Variants in ELAVL1 observed in about 807,000 individuals in gnomAD.
ELAVL1 encodes ELAV like RNA binding protein 1.
Under a neutral mutation model 28.4 loss-of-function variants are expected in ELAVL1, and 1 was observed. That is an observed-to-expected ratio of 0.04 (90% CI 0.01 to 0.17). The LOEUF (loss-of-function observed/expected upper bound fraction) is 0.17, where lower values mean the gene tolerates loss of function less well. Ranked by LOEUF, ELAVL1 falls within the 10% of genes least tolerant of loss-of-function variation. The pLI, the probability that ELAVL1 is intolerant of heterozygous loss-of-function variation, is 1.00. For missense variants in ELAVL1, 157 were observed against 447.2 expected (o/e 0.35, Z 5.85); for synonymous variants, 174 against 183.5 (o/e 0.95, Z 0.42).
At chr19:7,998,102 C>T (rs947773129) in intron 1 of ELAVL1, among the ~76,000 whole-genome samples, 2 of 152,198 alleles carry the variant, frequency 1.3e-5, no homozygotes, top group Admixed American at 6.5e-5. Context: ...ACGGGAGAAA[C>T]CAACAACCTG....
At chr19:7,964,844 A>G (rs1984911598) in intron 5 of ELAVL1, among the ~76,000 whole-genome samples, 1 of 152,218 alleles carries the variant, frequency 6.6e-6, no homozygotes, top group Non-Finnish European at 1.5e-5. Flanking sequence ...TCTGAGGGTC[A>G]GTTTGGGAAT....
rs564107702 is a variant in ELAVL1, at chr19:7,997,617, C to T, written c.-16-5786G>A. On this transcript the variant is annotated intron_variant, in intron 1 of 5. Transcript: ENST00000407627. ...TTGTCAAAACTCAGAGAACTCTACT[C>T]GAAAAAATGAATTTTCCTACATGCA... is the stretch of plus-strand genomic sequence containing the variant. 3.3e-5 allele frequency among the ~76,000 whole-genome samples: 5 copies of T among 152,028 alleles called. No individual in the cohort carries two copies. In the East Asian group the frequency reaches 9.7e-4, roughly 29 times the overall value.
rs1248646378 is a variant in ELAVL1, at chr19:7,995,777, C to T, written c.-16-3946G>A. Among the ~76,000 whole-genome samples the T allele has an allele frequency of 3.6e-5, 5 of 139,960 alleles. 1 individual carries two copies. The Middle Eastern group carries it at 0.014, about 397-fold the overall frequency. 91.8% of individuals were successfully genotyped at this position (139,960 alleles called of 152,430 possible). On this transcript the variant is annotated intron_variant, in intron 1 of 5. Transcript: ENST00000407627. ...TCTCAGACACAACACCAAAAGCCCA[C>T]TTCGTTAAAAAAAAAAAAAAATGGA...
intron 1 of ELAVL1, among the ~76,000 whole-genome samples, chr19:7,994,137 T>C (rs1178245167): frequency 3.3e-5 from 5 of 152,244 alleles, no homozygotes; most frequent in Non-Finnish European, 7.3e-5. Flanking sequence ...GCAAAAGGCA[T>C]CACAGACCTA....
At chr19:7,971,599 G>T (rs181135262) in intron 4 of ELAVL1, among the ~76,000 whole-genome samples, 2 of 152,236 alleles carry the variant, frequency 1.3e-5, no homozygotes, top group Non-Finnish European at 2.9e-5. Flanking sequence ...AGTTTACACC[G>T]AGTAACTGGC....
At chr19:7,991,320 C>T (rs1401484198) in intron 2 of ELAVL1, among the ~76,000 whole-genome samples, 1 of 152,192 alleles carries the variant, frequency 6.6e-6, no homozygotes. Context: ...TCAATCTGCC[C>T]AGGCCAAGCC....
intron 2 of ELAVL1, among the ~76,000 whole-genome samples, chr19:7,984,411 G>A (rs1985546406): frequency 6.6e-6 from 1 of 152,230 alleles, no homozygotes; most frequent in Non-Finnish European, 1.5e-5. Flanking sequence ...CCAGACAGAA[G>A]AGCAGGTGCC....
At chr19:7,966,682 C>G (rs1984963057) in intron 5 of ELAVL1, among the ~76,000 whole-genome samples, 1 of 152,016 alleles carries the variant, frequency 6.6e-6, no homozygotes, top group South Asian at 2.1e-4. Context: ...TGCAGTGGTG[C>G]AATCATAGTT....
At chr19:7,987,117 G>A (rs1325784822) in intron 2 of ELAVL1, among the ~76,000 whole-genome samples, 1 of 28,878 alleles carries the variant, frequency 3.5e-5, no homozygotes, top group Non-Finnish European at 7.4e-5. Context: ...GGGGGGTGCC[G>A]GGGGGGGGGG....
intron 1 of ELAVL1, among the ~76,000 whole-genome samples, chr19:7,994,634 G>A (rs1196432010): frequency 6.6e-6 from 1 of 152,166 alleles, no homozygotes; most frequent in Admixed American, 6.5e-5. Flanking sequence ...CCAGTCACAT[G>A]GAATAAAATC....
chr19:7,980,862 T>C (rs1224373319), intron 3 of ELAVL1, among the ~76,000 whole-genome samples: 1 of 152,054 alleles, frequency 6.6e-6, no homozygotes, highest in Non-Finnish European at 1.5e-5. Flanking sequence ...AGGGGAGGCC[T>C]GGGAGCTGAC....
intron 3 of ELAVL1, among the ~76,000 whole-genome samples, chr19:7,980,408 G>A (rs1172062894): frequency 2.0e-5 from 3 of 152,218 alleles, no homozygotes; most frequent in African/African-American, 4.8e-5. Context: ...GTGGGGACGG[G>A]GGTAAGTGGG....
At chr19:7,990,794 G>A (rs1226857478) in intron 2 of ELAVL1, among the ~76,000 whole-genome samples, 1 of 152,176 alleles carries the variant, frequency 6.6e-6, no homozygotes, top group Admixed American at 6.5e-5. Flanking sequence ...AGGGGGGTAG[G>A]GGTGGGTAGA....
chr19:7,971,882 C>T (rs558960400), intron 4 of ELAVL1, among the ~76,000 whole-genome samples: 158 of 152,338 alleles, frequency 1.0e-3, no homozygotes, highest in Middle Eastern at 6.8e-3. Context: ...CCCCAAAGCA[C>T]GCAGCTCAGG....
Position 7,967,605 on chromosome 19 carries a change from G to A in ELAVL1, c.616C>T (p.Arg206Trp). Reference sequence around the variant, plus strand: ...TGGTGGTGAACGGGGCCTCCGAACCGTCGCGCTGGCGAGTGGTACAGCTGC... The same window carrying A: ...TGGTGGTGAACGGGGCCTCCGAACCATCGCGCTGGCGAGTGGTACAGCTGC... ...LSQLYHSPARRFGGPVHHQAQ... is the reference protein window; with the variant it reads ...LSQLYHSPARWFGGPVHHQAQ... The change falls in exon 5 of 6, where the codon CGG (arginine) becomes TGG (tryptophan). Residue 206 changes from arginine to tryptophan, a missense_variant. Arg to Trp is a moderately radical substitution (Grantham distance 101). Transcript: ENST00000407627. The A allele has an allele frequency of 6.2e-7, 1 of 1,614,152 alleles. No individual in the cohort carries two copies. The highest frequency in any genetic ancestry group is 1.1e-5 in the South Asian group (1 of 91,080).
intron 2 of ELAVL1, among the ~76,000 whole-genome samples, chr19:7,987,107 G>A (rs999316788): frequency 7.4e-6 from 1 of 134,482 alleles, no homozygotes; most frequent in Admixed American, 7.2e-5. Context: ...GAGCCTGACC[G>A]GGGGGTGCCG....
At chr19:7,992,740 G>C (rs150006325) in intron 1 of ELAVL1, among the ~76,000 whole-genome samples, 2 of 152,254 alleles carry the variant, frequency 1.3e-5, no homozygotes, top group Non-Finnish European at 2.9e-5. Context: ...TCTGAATTAC[G>C]TGCTTTAGTT....
Position 7,990,045 on chromosome 19 carries a change from CAG to C in ELAVL1, c.172+1597_172+1598del, listed in dbSNP as rs1438568443. Among the ~76,000 whole-genome samples, 8 of 152,332 alleles carry C rather than the reference CAG, an allele frequency of 5.3e-5. No homozygotes were observed. The South Asian group carries it at 1.4e-3, about 28-fold the overall frequency. ...TTTTGTTAACTTTTTATTTTTGAGA[CAG>C]AGTCTCACTCTGTTGCCCACACTGG... On this transcript the variant is annotated intron_variant, in intron 2 of 5. Transcript: ENST00000407627.
chr19:7,973,717 T>C lies in ELAVL1; in HGVS notation c.430+8A>G. ...ACCCTCCCCACGCGTCTGGGGCCCC[T>C]CTGGTACCTGTAGTCTGATCCACGA... On this transcript the variant is annotated splice_region_variant and intron_variant, in intron 4 of 5. Coordinates refer to ENST00000407627, the MANE Select transcript of ELAVL1 (RefSeq NM_001419.3). 1.2e-5 allele frequency: 20 copies of C among 1,611,698 alleles called. No individual in the cohort carries two copies. Among genetic ancestry groups the C allele is most frequent in the Non-Finnish European group, 1.5e-5 (18 of 1,178,446 alleles).
Sources: allele counts gnomAD v4.1 joint callset (sites outside exome capture counted in the v4.1 genomes callset), GRCh38; gene constraint gnomAD v4.1.1; transcripts MANE v1.5; gene names NCBI Gene and HGNC (gene_info 2026-07-23, HGNC 2026-07-21).